GRK5: variants seen among roughly 807,000 people sequenced by gnomAD.
GRK5 encodes G protein-coupled receptor kinase 5.
In GRK5, 40 loss-of-function variants were observed where a neutral mutation model predicts 78.4. The ratio of observed to expected loss-of-function variants is 0.51; its 90% CI spans 0.40 to 0.66. The LOEUF is 0.66. Among genes scored for constraint, GRK5 ranks in the 30% least tolerant of loss-of-function variants. GRK5 has a pLI of 0.00. For missense variants in GRK5, 598 were observed against 759.9 expected, an observed-to-expected ratio of 0.79 and a Z score of 2.50; for synonymous variants, 289 against 296.8, an observed-to-expected ratio of 0.97 and a Z score of 0.27.
intron 1 of GRK5, among the ~76,000 whole-genome samples, chr10:119,291,992 TCTCCTCCTCTTCCTCCTTCTC>T (rs1849978993): frequency 7.7e-5 from 1 of 12,966 alleles, no homozygotes; most frequent in African/African-American, 3.0e-4. Flanking sequence ...TCCTCCTTCT[TCTCCTCCTCTTCCTCCTTCTC>T]CTCCTCTTCC....
intron 3 of GRK5, among the ~76,000 whole-genome samples, chr10:119,384,897 C>G (rs895810616): frequency 3.3e-5 from 5 of 152,168 alleles, no homozygotes; most frequent in African/African-American, 1.2e-4. Context: ...GGAAAAACAA[C>G]TGGAGCAGGT....
intron 2 of GRK5, chr10:119,333,821 G>C (rs966593416): frequency 9.4e-6 from 5 of 532,950 alleles, no homozygotes; most frequent in African/African-American, 5.8e-5. Context: ...GAGCATGGGA[G>C]ACCAACTGAA....
chr10:119,245,127 A>C (rs964218506), intron 1 of GRK5, among the ~76,000 whole-genome samples: 3 of 152,030 alleles, frequency 2.0e-5, no homozygotes, highest in Admixed American at 6.6e-5. Flanking sequence ...AATACAAAAA[A>C]ATTAGCTGGG....
chr10:119,220,052 G>A (rs1279204849), intron 1 of GRK5, among the ~76,000 whole-genome samples: 2 of 152,184 alleles, frequency 1.3e-5, no homozygotes, highest in African/African-American at 4.8e-5. Context: ...TTCTGCTCAT[G>A]GGCAGGGAGG....
chr10:119,336,764 G>C lies in GRK5; in HGVS notation c.148+10153G>C, dbSNP rs1027693320. Among the ~76,000 whole-genome samples the C allele has an allele frequency of 6.6e-6, 1 of 152,156 alleles. No individual in the cohort carries two copies. The highest frequency in any genetic ancestry group is 1.5e-5 in the Non-Finnish European group (1 of 68,030). On this transcript the variant is annotated intron_variant, in intron 2 of 15. Coordinates refer to ENST00000392870, the MANE Select transcript of GRK5 (RefSeq NM_005308.3). The surrounding 1 kb of genome is among the most constrained non-coding windows in gnomAD (Gnocchi z 4.5). ...GTGATAAGGGCGCGTCATGTCTGTCGTTCTGCCACCTAGCCGTGCTGTGAT... is the reference window on the plus strand; with the variant it reads ...GTGATAAGGGCGCGTCATGTCTGTCCTTCTGCCACCTAGCCGTGCTGTGAT...
chr10:119,345,740 CT>C (rs2133791548), intron 2 of GRK5, among the ~76,000 whole-genome samples: 1 of 152,242 alleles, frequency 6.6e-6, no homozygotes, highest in East Asian at 1.9e-4. Flanking sequence ...ACTTCAGGCC[CT>C]TGGGGAAACC....
chr10:119,313,089 ATGGTGGTG>A (rs1850408154), intron 1 of GRK5, among the ~76,000 whole-genome samples: 1 of 56,088 alleles, frequency 1.8e-5, no homozygotes, highest in African/African-American at 8.0e-5. Context: ...GGTGGTGGTG[ATGGTGGTG>A]ATGGTAATGA....
At chr10:119,439,964 A>G (rs1853000556) in intron 10 of GRK5, among the ~76,000 whole-genome samples, 196 bp downstream of exon 10, 1 of 152,214 alleles carries the variant, frequency 6.6e-6, no homozygotes, top group Admixed American at 6.5e-5. Flanking sequence ...CAGTGTTCAG[A>G]GAGACTTTGA....
intron 1 of GRK5, among the ~76,000 whole-genome samples, chr10:119,303,039 G>A (rs1850209798): frequency 6.6e-6 from 1 of 152,180 alleles, no homozygotes. Context: ...CTCAGAGAGG[G>A]TCTGTGACCC....
At chr10:119,347,611 G>A (rs780396017) in intron 2 of GRK5, among the ~76,000 whole-genome samples, 3 of 152,250 alleles carry the variant, frequency 2.0e-5, no homozygotes, top group African/African-American at 2.4e-5. Flanking sequence ...AGGCCGGGAC[G>A]GCAATGGGGT....
rs569913190 is a variant in GRK5 at position 119,430,293 on chromosome 10, G to C, written c.534-82G>C. ...GCTCCTGGAATTATACCCCACCCCA[G>C]CTGCTCTCAATGTGCCACTGTTTCC... is the stretch of plus-strand genomic sequence containing the variant. On this transcript the variant is annotated intron_variant, in intron 6 of 15. Coordinates refer to ENST00000392870, the MANE Select transcript of GRK5 (RefSeq NM_005308.3). This position sits in a 1 kb window ranked among gnomAD's most constrained non-coding sequence, Gnocchi z 4.5. 8.1e-7 allele frequency: 1 copy of C among 1,230,208 alleles called. No homozygotes were observed. Among genetic ancestry groups the C allele is most frequent in the South Asian group, 1.2e-5 (1 of 82,014 alleles). The allele number at this position is 1,230,208 out of a possible 1,614,324, so 76.2% of individuals were successfully genotyped here.
At chr10:119,219,149 A>G (rs1043243403) in intron 1 of GRK5, among the ~76,000 whole-genome samples, 1 of 152,122 alleles carries the variant, frequency 6.6e-6, no homozygotes, top group Non-Finnish European at 1.5e-5. Flanking sequence ...CGGCCTCCCA[A>G]AGTGCTGGGA....
chr10:119,267,670 G>T lies in GRK5; in HGVS notation c.53-58846G>T, dbSNP rs551436242. 6.6e-6 allele frequency among the ~76,000 whole-genome samples: 1 copy of T among 152,176 alleles called. No homozygotes were observed. The highest frequency in any genetic ancestry group is 6.5e-5 in the Admixed American group (1 of 15,286). ...TTCTATAGCAAGGAGGTCCAGCACC[G>T]CTCGTGGACCCAAACTGTCCTCCAG... On this transcript the variant is annotated intron_variant, in intron 1 of 15. Coordinates refer to ENST00000392870, the MANE Select transcript of GRK5 (RefSeq NM_005308.3). The surrounding 1 kb of genome is among the most constrained non-coding windows in gnomAD (Gnocchi z 4.1).
At chr10:119,448,393 C>T (rs12721554) in intron 13 of GRK5, 133 bp downstream of exon 13, 61,211 of 981,896 alleles carry the variant, frequency 0.062, 3,062 homozygotes, top group African/African-American at 0.24. Context: ...GGTCCCCTCC[C>T]GGCCACTCCT....
chr10:119,225,670 C>CT (rs35238730), intron 1 of GRK5, among the ~76,000 whole-genome samples: 2,629 of 114,910 alleles, frequency 0.023, 69 homozygotes, highest in South Asian at 0.067. Context: ...CTCTCTCTCT[C>CT]TTTTTTTTTT....
chr10:119,287,329 G>GAAAA (rs1849868276), intron 1 of GRK5, among the ~76,000 whole-genome samples: 3 of 23,330 alleles, frequency 1.3e-4, no homozygotes, highest in Admixed American at 3.8e-4. Flanking sequence ...AGGGAGGGAG[G>GAAAA]AAGGGAGAGA....
chr10:119,225,129 G>C (rs1239038203), intron 1 of GRK5, among the ~76,000 whole-genome samples: 2 of 152,194 alleles, frequency 1.3e-5, no homozygotes, highest in African/African-American at 4.8e-5. Context: ...ACCCGCCACT[G>C]CTAATTGAAC....
At chr10:119,228,799 T>C (rs540922454) in intron 1 of GRK5, among the ~76,000 whole-genome samples, 118 of 152,250 alleles carry the variant, frequency 7.8e-4, no homozygotes, top group African/African-American at 2.7e-3. Context: ...GCCTTGTAAA[T>C]GTAAGGCCAC....
intron 4 of GRK5, among the ~76,000 whole-genome samples, chr10:119,402,491 A>T (rs1260602085): frequency 6.6e-6 from 1 of 152,204 alleles, no homozygotes; most frequent in East Asian, 1.9e-4. Context: ...AAATGTTCCC[A>T]TTGTAATAAT....
Sources: allele counts gnomAD v4.1 joint callset (sites outside exome capture counted in the v4.1 genomes callset), GRCh38; gene constraint gnomAD v4.1.1; non-coding constraint Gnocchi (gnomAD v3.1); transcripts MANE v1.5; gene names NCBI Gene and HGNC (gene_info 2026-07-23, HGNC 2026-07-21).